Variants in AMPD3 observed in about 807,000 individuals in gnomAD.
AMPD3 encodes the protein AMP deaminase 3.
AMPD3 carries 57 observed loss-of-function variants against 82.3 expected under a neutral mutation model. The observed-to-expected ratio is 0.69, with a 90% CI of 0.56 to 0.86. The LOEUF is 0.86. Ranked by LOEUF, AMPD3 falls within the 40% of genes least tolerant of loss-of-function variation. AMPD3 has a pLI of 0.00. For missense variants in AMPD3, 870 were observed against 1,003.8 expected (o/e 0.87, Z 1.80); for synonymous variants, 381 against 394.7 (o/e 0.97, Z 0.41).
Position 10,478,695 on chromosome 11 carries a change from C to T in AMPD3, c.391C>T (p.Gln131Ter). ...AGCACCCTATGCCATGCCTGAGTTC[C>T]AGCGGGTCACCATCAGCGGAGATTA... ...TPAPYAMPEF[Q>*]RVTISGDYCA... Residue 131 changes from glutamine (Q) to a stop codon, truncating the protein, a stop_gained, in exon 3 of 15, where the codon CAG becomes TAG. Coordinates refer to ENST00000396553, the MANE Select transcript of AMPD3 (RefSeq NM_001025389.2). LOFTEE classifies it high-confidence loss of function. The T allele has an allele frequency of 1.2e-6, 2 of 1,613,978 alleles. No individual in the cohort carries two copies. Among genetic ancestry groups the T allele is most frequent in the Non-Finnish European group, 1.7e-6 (2 of 1,180,028 alleles).
At chr11:10,470,886 C>T (rs1848570219) in intron 2 of AMPD3, among the ~76,000 whole-genome samples, 1 of 152,166 alleles carries the variant, frequency 6.6e-6, no homozygotes, top group Non-Finnish European at 1.5e-5. Context: ...GCCATACTGC[C>T]CAAAGTAATT....
intron 6 of AMPD3, chr11:10,490,547 C>G (rs1372240092): frequency 2.0e-6 from 2 of 985,260 alleles, no homozygotes; most frequent in Non-Finnish European, 2.4e-6. Context: ...GCACTTGGAT[C>G]CTCTGGTGAA....
At chr11:10,473,641 C>T (rs1005256971) in intron 2 of AMPD3, 14 of 970,474 alleles carry the variant, frequency 1.4e-5, no homozygotes, top group African/African-American at 8.8e-5. Flanking sequence ...GATCTCTGTG[C>T]GCCCCTGCTC....
At chr11:10,476,858 G>A in intron 2 of AMPD3, 1 of 953,608 alleles carries the variant, frequency 1.0e-6, no homozygotes, top group Non-Finnish European at 1.2e-6. Flanking sequence ...ACAGACCAGA[G>A]AAAGCTGAGG....
upstream of AMPD3, chr11:10,450,865 G>A: frequency 1.6e-6 from 2 of 1,218,216 alleles, no homozygotes; most frequent in South Asian, 7.3e-5. Context: ...GATCCGCAGC[G>A]CTGCGCCCTC....
intron 9 of AMPD3, chr11:10,496,452 G>T: frequency 1.0e-6 from 1 of 985,402 alleles, no homozygotes; most frequent in Non-Finnish European, 1.2e-6. Flanking sequence ...GATGGGCTGG[G>T]GTATGTGGTT....
chr11:10,503,921 C>G (rs935242555), intron 13 of AMPD3: 68 of 984,708 alleles, frequency 6.9e-5, no homozygotes, highest in Admixed American at 5.5e-4. Context: ...AACTATTGCT[C>G]TAGGCTACAG....
intron 8 of AMPD3, chr11:10,495,310 TG>T (rs1849361249): frequency 3.0e-6 from 3 of 985,440 alleles, no homozygotes; most frequent in Non-Finnish European, 2.4e-6. Flanking sequence ...TGAACCTAGC[TG>T]GGTGCAGATG....
chr11:10,455,525 G>T (rs188518589), intron 1 of AMPD3, 77 bp downstream of exon 1: 2 of 791,094 alleles, frequency 2.5e-6, no homozygotes, highest in East Asian at 1.3e-4. Flanking sequence ...GTGGATGGGG[G>T]TGGGGGTTCT....
rs762205591 is a variant in AMPD3 at position 10,482,160 on chromosome 11, G to A, written c.524G>A (p.Arg175Gln). The change falls in exon 4 of 15, where the codon CGG becomes CAG. Residue 175 changes from arginine (R) to glutamine (Q), a missense_variant. Physicochemically the swap from Arg to Gln is conservative, Grantham distance 43 (BLOSUM62 1). Coordinates refer to ENST00000396553, the MANE Select transcript of AMPD3 (RefSeq NM_001025389.2). The stretch of plus-strand genomic sequence containing the variant: ...CGGCTCGCCTACCACCGCTTCCCGC[G>A]GATCACATCCCAGTACCTGGGTCAT... ...YARLAYHRFP[R>Q]ITSQYLGHPR... The A allele has an allele frequency of 8.7e-6, 14 of 1,613,986 alleles. No individual in the cohort carries two copies. The Admixed American group carries it at 1.3e-4, about 15-fold the overall frequency.
In AMPD3 at chr11:10,506,134, T is replaced by G. The variant is rs1405157081; in HGVS notation, c.*250T>G. The G allele has an allele frequency of 1.9e-6, 1 of 524,900 alleles. No individual in the cohort carries two copies. The highest frequency in any genetic ancestry group is 3.5e-5 in the East Asian group (1 of 28,674). The allele number at this position is 524,900 out of a possible 1,614,324, so 32.5% of individuals were successfully genotyped here. A position where few individuals can be genotyped will look rare whatever the true frequency, so the allele number is the denominator to read the frequency against. On this transcript the variant is annotated 3_prime_UTR_variant, in exon 15 of 15. Transcript: ENST00000396553. The surrounding 1 kb of genome is among the most constrained non-coding windows in gnomAD (Gnocchi z 4.1). ...CTGAGCACTTGTCTATACTTGTTCC[T>G]AATTTTCCAAGTATTTCTCTTGAAA...
chr11:10,473,276 A>T (rs919835210), intron 2 of AMPD3: 13 of 709,440 alleles, frequency 1.8e-5, no homozygotes, highest in African/African-American at 5.8e-5. Context: ...TGTCAAAAAA[A>T]AGTAAAAATA....
chr11:10,493,322 C>T, intron 6 of AMPD3, 27 bp from the exon 7 acceptor site: 2 of 1,613,656 alleles, frequency 1.2e-6, no homozygotes, highest in Non-Finnish European at 1.7e-6. Flanking sequence ...TGGCCTGACT[C>T]AGGGCCTGGT....
At chr11:10,476,851 G>C (rs1178743345) in intron 2 of AMPD3, 1 of 929,636 alleles carries the variant, frequency 1.1e-6, no homozygotes, top group Non-Finnish European at 1.3e-6. Flanking sequence ...ATGGAGGACA[G>C]ACCAGAGAAA....
chr11:10,461,309 A>C, intron 1 of AMPD3: 2 of 1,559,162 alleles, frequency 1.3e-6, no homozygotes, highest in South Asian at 2.2e-5. Context: ...CTTTCTCCTG[A>C]CACCTAAGTG....
chr11:10,481,054 G>A (rs1052240962), intron 3 of AMPD3, among the ~76,000 whole-genome samples: 3 of 152,204 alleles, frequency 2.0e-5, no homozygotes, highest in African/African-American at 7.2e-5. Context: ...ACTCAATCAG[G>A]TTAGAGTCTG....
intron 2 of AMPD3, among the ~76,000 whole-genome samples, chr11:10,476,254 G>A (rs187716822): frequency 1.3e-5 from 2 of 152,302 alleles, no homozygotes; most frequent in Admixed American, 6.5e-5. Flanking sequence ...TGCCTACAGA[G>A]TCTGAGCTCC....
chr11:10,461,183 C>A, intron 1 of AMPD3: 2 of 1,227,340 alleles, frequency 1.6e-6, no homozygotes, highest in Non-Finnish European at 2.1e-6. Flanking sequence ...TGTCCCTTCT[C>A]AAACATGGGA....
At chr11:10,505,383 T>G in intron 14 of AMPD3, 2 of 937,188 alleles carry the variant, frequency 2.1e-6, no homozygotes, top group Non-Finnish European at 2.5e-6. Context: ...CTCAGGGGCT[T>G]CTTAATTAGA....
Sources: gnomAD v4.1 joint callset for allele counts (sites outside exome capture counted in the v4.1 genomes callset) on GRCh38, gnomAD v4.1.1 for gene constraint, Gnocchi (gnomAD v3.1) non-coding constraint, MANE v1.5 for transcripts, NCBI Gene and HGNC (gene_info 2026-07-23, HGNC 2026-07-21) for gene names.